The following ETS1 variants were observed in gnomAD, a reference collection of about 807,000 sequenced individuals.
The protein encoded by ETS1 is ETS proto-oncogene 1, transcription factor, also known as protein C-ets-1.
In ETS1, 15 loss-of-function variants were observed where a neutral mutation model predicts 58.6. The ratio of observed to expected loss-of-function variants is 0.26; its 90% CI spans 0.17 to 0.39. The LOEUF is 0.39. ETS1 is among the 10% of genes least tolerant of loss of function. The pLI, the probability that ETS1 is intolerant of heterozygous loss-of-function variation, is 1.00. For synonymous variants in ETS1, 214 were observed against 218.2 expected (o/e 0.98, Z 0.17); for missense variants, 417 against 610.5 (o/e 0.68, Z 3.34).
Position 128,464,355 on chromosome 11 carries a change from GACACAC to G in ETS1, c.1124-734_1124-729del, listed in dbSNP as rs58228263. On this transcript the variant is annotated intron_variant, in intron 8 of 9. Transcript: ENST00000392668. This position sits in a 1 kb window ranked among gnomAD's most constrained non-coding sequence, Gnocchi z 4.1. The stretch of plus-strand genomic sequence containing the variant: ...CATAGGTTCAGTATATTCTAAATTA[GACACAC>G]ACACACACACACACACACACACACA... Among the ~76,000 whole-genome samples, 726 of 145,000 alleles carry G rather than the reference GACACAC, an allele frequency of 5.0e-3. 8 individuals are homozygous for G. The highest frequency in any genetic ancestry group is 0.027 in the South Asian group (116 of 4,358).
rs545360614 is a variant in ETS1, at chr11:128,532,084, G to A, written c.214+24207C>T. ...CAGGCTGGAGTGTGGTGGCATGAAC[G>A]GTTTAACTTGTGCTATAAACCTAAA... On this transcript the variant is annotated intron_variant, in intron 3 of 9. Transcript: ENST00000392668. 7.2e-5 allele frequency among the ~76,000 whole-genome samples: 11 copies of A among 152,222 alleles called. No homozygotes were observed. In the East Asian group the frequency reaches 2.1e-3, roughly 29 times the overall value.
chr11:128,526,309 G>A (rs1863800238), intron 3 of ETS1: 1 of 153,058 alleles, frequency 6.5e-6, no homozygotes, highest in Non-Finnish European at 1.5e-5. Context: ...CAGCTGAATT[G>A]CCACAGGTAA....
chr11:128,505,039 A>G (rs1863193188), intron 3 of ETS1: 1 of 152,208 alleles, frequency 6.6e-6, no homozygotes, highest in Admixed American at 6.5e-5. Flanking sequence ...GCATGATACC[A>G]TGGTGTCTGA....
rs1020633822 is a variant in ETS1, at chr11:128,486,217, G to A, written c.536-71C>T. On this transcript the variant is annotated intron_variant, in intron 5 of 9. Transcript: ENST00000392668. ...TCATGCTTGGCCTAAAAGGATCTTG[G>A]ATGCAAAGACCACAATGATCTCAAC... 26 of 940,594 alleles carry A rather than the reference G, an allele frequency of 2.8e-5. No individual in the cohort carries two copies. In the African/African-American group the frequency reaches 3.9e-4, roughly 14 times the overall value. 58.3% of individuals were successfully genotyped at this position (940,594 alleles called of 1,614,324 possible). A position where few individuals can be genotyped will look rare whatever the true frequency, so the allele number is the denominator to read the frequency against.
At chr11:128,568,707 G>A (rs1008429950) in intron 2 of ETS1, among the ~76,000 whole-genome samples, 2 of 152,132 alleles carry the variant, frequency 1.3e-5, no homozygotes, top group Non-Finnish European at 2.9e-5. Context: ...ACCTGAGGCT[G>A]GCATGGATTT....
chr11:128,560,952 A>G (rs891844962), intron 2 of ETS1, among the ~76,000 whole-genome samples: 1 of 152,184 alleles, frequency 6.6e-6, no homozygotes, highest in African/African-American at 2.4e-5. Flanking sequence ...CATTTGATGA[A>G]GGGCCACATG....
intron 1 of ETS1, among the ~76,000 whole-genome samples, chr11:128,584,820 C>T (rs1443800967): frequency 6.9e-6 from 1 of 145,774 alleles, no homozygotes; most frequent in Non-Finnish European, 1.5e-5. Flanking sequence ...ATGCTAAATA[C>T]TTTATCATTT....
intron 2 of ETS1, among the ~76,000 whole-genome samples, chr11:128,572,768 T>A (rs1185278940): frequency 6.6e-6 from 1 of 152,224 alleles, no homozygotes; most frequent in Non-Finnish European, 1.5e-5. Flanking sequence ...TCAAATGAAC[T>A]GGGCAGTGAA....
chr11:128,500,752 G>A (rs1387704754), intron 3 of ETS1, among the ~76,000 whole-genome samples: 1 of 152,122 alleles, frequency 6.6e-6, no homozygotes, highest in African/African-American at 2.4e-5. Flanking sequence ...AATATTGGCA[G>A]CCACAGGCAC....
At chr11:128,573,749 T>A (rs10893889) in intron 1 of ETS1, among the ~76,000 whole-genome samples, 63,607 of 152,046 alleles carry the variant, frequency 0.42, 13,688 homozygotes, top group Non-Finnish European at 0.46. Context: ...AGTCTGAGTG[T>A]CTAGAATGCT....
At chr11:128,490,820 G>A (rs1800106879) in intron 3 of ETS1, among the ~76,000 whole-genome samples, 1 of 149,868 alleles carries the variant, frequency 6.7e-6, no homozygotes, top group South Asian at 2.1e-4. Flanking sequence ...CTGGGTTCAA[G>A]CGATTCTCCT....
chr11:128,526,695 G>C, intron 3 of ETS1: 2 of 323,006 alleles, frequency 6.2e-6, no homozygotes, highest in South Asian at 4.7e-5. Context: ...AGAAATTCGA[G>C]AACTACCTGA....
intron 3 of ETS1, among the ~76,000 whole-genome samples, chr11:128,514,851 C>T (rs542370111): frequency 1.3e-5 from 2 of 152,234 alleles, no homozygotes; most frequent in Admixed American, 6.5e-5. Flanking sequence ...AATGCTTGGC[C>T]CAGATGAAAG....
intron 5 of ETS1, among the ~76,000 whole-genome samples, chr11:128,487,613 C>G (rs1386263433): frequency 6.6e-6 from 1 of 152,086 alleles, no homozygotes; most frequent in Non-Finnish European, 1.5e-5. Flanking sequence ...GTGGCATGCG[C>G]CTGTAGTCCC....
chr11:128,500,704 G>A (rs866508512), intron 3 of ETS1, among the ~76,000 whole-genome samples: 3 of 152,078 alleles, frequency 2.0e-5, no homozygotes, highest in African/African-American at 4.8e-5. Context: ...ATAAGAATAC[G>A]CAAGTCCATT....
At chr11:128,495,740 C>G (rs961542208) in intron 3 of ETS1, among the ~76,000 whole-genome samples, 2 of 152,112 alleles carry the variant, frequency 1.3e-5, no homozygotes, top group African/African-American at 4.8e-5. Context: ...GAGAGAGGGG[C>G]GTGCATTGTT....
At chr11:128,494,737 T>C (rs1329244997) in intron 3 of ETS1, among the ~76,000 whole-genome samples, 2 of 152,242 alleles carry the variant, frequency 1.3e-5, no homozygotes, top group African/African-American at 4.8e-5. Flanking sequence ...GGCTTTTGTT[T>C]GGCAAGAAGT....
At chr11:128,561,242 C>T (rs1864400775) in intron 2 of ETS1, among the ~76,000 whole-genome samples, 1 of 152,126 alleles carries the variant, frequency 6.6e-6, no homozygotes, top group Non-Finnish European at 1.5e-5. Context: ...CACTAGAGGC[C>T]ATGCTAGAGG....
intron 3 of ETS1, among the ~76,000 whole-genome samples, chr11:128,524,191 A>G (rs1863756171): frequency 6.6e-6 from 1 of 152,230 alleles, no homozygotes; most frequent in South Asian, 2.1e-4. Context: ...CAAATTAGAT[A>G]CTAAAAAAGC....
Sources: allele counts gnomAD v4.1 joint callset (sites outside exome capture counted in the v4.1 genomes callset), GRCh38; gene constraint gnomAD v4.1.1; non-coding constraint Gnocchi (gnomAD v3.1); transcripts MANE v1.5; gene names NCBI Gene and HGNC (gene_info 2026-07-23, HGNC 2026-07-21).